R3HCC1L: variants seen among roughly 807,000 people sequenced by gnomAD.
The protein encoded by R3HCC1L is R3H domain and coiled-coil containing 1 like, also known as coiled-coil domain-containing protein R3HCC1L.
In R3HCC1L, 51 loss-of-function variants were observed where a neutral mutation model predicts 59.9. The observed-to-expected ratio is 0.85, with a 90% CI of 0.68 to 1.07. The LOEUF (loss-of-function observed/expected upper bound fraction) is 1.07. Ranked by LOEUF, R3HCC1L falls within the 50% of genes least tolerant of loss-of-function variation. The probability of loss-of-function intolerance (pLI) is 0.00; values close to 1 mark genes in which losing one functional copy is unlikely to be tolerated. For missense variants in R3HCC1L, 965 were observed against 933.0 expected, an observed-to-expected ratio of 1.03 and a Z score of -0.45; for synonymous variants, 322 against 315.2, an observed-to-expected ratio of 1.02 and a Z score of -0.23.
At chr10:98,217,247 A>G (rs1006779700) in intron 5 of R3HCC1L, among the ~76,000 whole-genome samples, 7 of 152,068 alleles carry the variant, frequency 4.6e-5, no homozygotes, top group South Asian at 2.1e-4. Flanking sequence ...ATAGACATCC[A>G]ATTTTTTCAG....
intron 4 of R3HCC1L, among the ~76,000 whole-genome samples, chr10:98,183,423 T>A (rs1009922505): frequency 2.6e-5 from 4 of 151,946 alleles, no homozygotes; most frequent in African/African-American, 9.7e-5. Context: ...ATGTGTCTAA[T>A]TGTGGATTTT....
intron 1 of R3HCC1L, among the ~76,000 whole-genome samples, chr10:98,146,110 T>G (rs188853106): frequency 6.6e-6 from 1 of 152,340 alleles, no homozygotes; most frequent in African/African-American, 2.4e-5. Context: ...TTTATTACTA[T>G]GGAGGATATT....
rs942978336 is a variant in R3HCC1L at position 98,236,226 on chromosome 10, T to TA, written c.2269+71dup. ...CAGAACTCACTGTAAGGCATGTGTTTAAAAAAAAATGAATGAAGCCCATTC... is the reference window on the plus strand; with the variant it reads ...CAGAACTCACTGTAAGGCATGTGTTTAAAAAAAAAATGAATGAAGCCCATTC... On this transcript the variant is annotated intron_variant, in intron 9 of 9. Coordinates refer to ENST00000298999, the MANE Select transcript of R3HCC1L (RefSeq NM_001351015.2). 431 of 1,544,362 alleles carry TA rather than the reference T, an allele frequency of 2.8e-4. 1 individual carries two copies. Among genetic ancestry groups the TA allele is most frequent in the Non-Finnish European group, 3.3e-4 (374 of 1,145,538 alleles).
At chr10:98,203,157 A>G (rs188610364) in intron 4 of R3HCC1L, among the ~76,000 whole-genome samples, 1 of 152,354 alleles carries the variant, frequency 6.6e-6, no homozygotes, top group East Asian at 1.9e-4. Flanking sequence ...CCCTATTTAT[A>G]GGAAATACAT....
chr10:98,235,385 C>A (rs1856814786), intron 7 of R3HCC1L, 40 bp from the exon 8 acceptor site: 1 of 1,554,104 alleles, frequency 6.4e-7, no homozygotes, highest in Admixed American at 1.7e-5. Flanking sequence ...TTGCATCACT[C>A]TACTTCATGT....
At chr10:98,215,047 T>G (rs1204484699) in intron 5 of R3HCC1L, among the ~76,000 whole-genome samples, 1 of 152,206 alleles carries the variant, frequency 6.6e-6, no homozygotes, top group Non-Finnish European at 1.5e-5. Flanking sequence ...CCTCCTGGTT[T>G]CTAGCCCTGC....
intron 4 of R3HCC1L, 64 bp from the exon 5 acceptor site, chr10:98,208,037 G>A (rs1852918816): frequency 7.0e-7 from 1 of 1,425,068 alleles, no homozygotes; most frequent in Admixed American, 2.7e-5. Context: ...AAAGAAAAAA[G>A]AAAATATTTT....
At chr10:98,167,322 A>G (rs1363714153) in intron 4 of R3HCC1L, among the ~76,000 whole-genome samples, 1 of 152,220 alleles carries the variant, frequency 6.6e-6, no homozygotes, top group Admixed American at 6.5e-5. Flanking sequence ...TAAATTTATT[A>G]ACTTGTTAAT....
intron 1 of R3HCC1L, among the ~76,000 whole-genome samples, chr10:98,141,367 C>G (rs1285684725): frequency 6.6e-6 from 1 of 152,154 alleles, no homozygotes; most frequent in East Asian, 1.9e-4. Context: ...CCAAATTGCA[C>G]ATTGGATTGG....
At chr10:98,156,830 T>C (rs1002954474) in intron 2 of R3HCC1L, among the ~76,000 whole-genome samples, 18 of 152,330 alleles carry the variant, frequency 1.2e-4, no homozygotes, top group African/African-American at 4.3e-4. Context: ...TACAATCGAA[T>C]GGGTGTAAGT....
intron 4 of R3HCC1L, among the ~76,000 whole-genome samples, chr10:98,166,829 C>A (rs1253749025): frequency 6.6e-6 from 1 of 152,128 alleles, no homozygotes; most frequent in Admixed American, 6.6e-5. Flanking sequence ...CCATGCCTGG[C>A]TAATTTTTTG....
chr10:98,167,190 C>T (rs915052035), intron 4 of R3HCC1L, among the ~76,000 whole-genome samples: 3 of 151,906 alleles, frequency 2.0e-5, no homozygotes, highest in African/African-American at 7.3e-5. Context: ...TTCTGTAGCC[C>T]TGTGTACAGG....
At chr10:98,177,856 T>G (rs559333555) in intron 4 of R3HCC1L, among the ~76,000 whole-genome samples, 1 of 152,334 alleles carries the variant, frequency 6.6e-6, no homozygotes, top group South Asian at 2.1e-4. Context: ...TTCATATAAT[T>G]TGCCCACTTT....
At chr10:98,170,017 A>G (rs1326410358) in intron 4 of R3HCC1L, among the ~76,000 whole-genome samples, 1 of 152,060 alleles carries the variant, frequency 6.6e-6, no homozygotes, top group Non-Finnish European at 1.5e-5. Context: ...ATGGGATGGA[A>G]AAATCACCCT....
chr10:98,169,019 GGGTGA>G (rs1206881983), intron 4 of R3HCC1L, among the ~76,000 whole-genome samples: 1 of 152,210 alleles, frequency 6.6e-6, no homozygotes, highest in African/African-American at 2.4e-5. Context: ...TGGCTTTTGA[GGGTGA>G]GGCAAGGTGA....
intron 1 of R3HCC1L, among the ~76,000 whole-genome samples, chr10:98,151,076 C>A (rs1286001310): frequency 1.3e-5 from 2 of 152,154 alleles, no homozygotes; most frequent in Non-Finnish European, 2.9e-5. Context: ...TTTCTCACTT[C>A]TCCATGGCCC....
chr10:98,144,709 T>C (rs1845493572), intron 1 of R3HCC1L, among the ~76,000 whole-genome samples: 1 of 152,216 alleles, frequency 6.6e-6, no homozygotes. Context: ...GCTTAGAACA[T>C]TATTCATACG....
At chr10:98,179,262 T>G (rs1240026992) in intron 4 of R3HCC1L, among the ~76,000 whole-genome samples, 2 of 152,234 alleles carry the variant, frequency 1.3e-5, no homozygotes, top group Non-Finnish European at 2.9e-5. Flanking sequence ...ATTGAGAGTT[T>G]TTAGCATGAA....
chr10:98,238,335 G>C (rs959981653), intron 9 of R3HCC1L, among the ~76,000 whole-genome samples: 1 of 152,208 alleles, frequency 6.6e-6, no homozygotes. Flanking sequence ...GCAAGATTTT[G>C]TTCCTCTCCT....
Sources: gnomAD v4.1 joint callset for allele counts (sites outside exome capture counted in the v4.1 genomes callset) on GRCh38, gnomAD v4.1.1 for gene constraint, MANE v1.5 for transcripts, NCBI Gene and HGNC (gene_info 2026-07-23, HGNC 2026-07-21) for gene names.